LRP1B: variants seen among roughly 807,000 people sequenced by gnomAD.
The protein encoded by LRP1B is LDL receptor related protein 1B.
LRP1B carries 217 observed loss-of-function variants against 556.6 expected under a neutral mutation model. That is an observed-to-expected ratio of 0.39 (90% CI 0.35 to 0.44). LRP1B has a LOEUF of 0.44. LRP1B is among the 20% of genes least tolerant of loss of function. LRP1B has a pLI of 1.00. For synonymous variants in LRP1B, 2,047 were observed against 1,865.8 expected, an observed-to-expected ratio of 1.10 and a Z score of -2.50; for missense variants, 5,053 against 5,620.8, an observed-to-expected ratio of 0.90 and a Z score of 3.23.
chr2:140,342,296 C>T (rs192088495), intron 77 of LRP1B, among the ~76,000 whole-genome samples: 1 of 150,678 alleles, frequency 6.6e-6, no homozygotes, highest in African/African-American at 2.4e-5. Flanking sequence ...CCATGTATTT[C>T]TTACTATGGT....
rs1290993725 is a variant in LRP1B, at chr2:141,648,092, G to GA, written c.205+162186_205+162187insT. Among the ~76,000 whole-genome samples the GA allele has an allele frequency of 3.5e-3, 533 of 151,192 alleles. 3 individuals are homozygous for GA. The highest frequency in any genetic ancestry group is 0.012 in the African/African-American group (482 of 41,276). On this transcript the variant is annotated intron_variant, in intron 2 of 90. Coordinates refer to ENST00000389484, the MANE Select transcript of LRP1B (RefSeq NM_018557.3). The stretch of plus-strand genomic sequence containing the variant: ...ATGGTGAGACGAATCATGTGATTCA[G>GA]GAAAAAAAAAATTGTGGAGCAGGAG...
chr2:140,488,877 TTTTA>T (rs1558917611), intron 57 of LRP1B, among the ~76,000 whole-genome samples: 1 of 151,908 alleles, frequency 6.6e-6, no homozygotes, highest in Non-Finnish European at 1.5e-5. Flanking sequence ...GGCAGGGGTT[TTTTA>T]TTTGTTTTAG....
chr2:140,625,588 T>C (rs1683627525), intron 41 of LRP1B, among the ~76,000 whole-genome samples: 1 of 152,100 alleles, frequency 6.6e-6, no homozygotes, highest in Non-Finnish European at 1.5e-5. Context: ...AACAGACACC[T>C]CATCAAACAA....
At chr2:140,924,182 C>T (rs999199752) in intron 20 of LRP1B, among the ~76,000 whole-genome samples, 1 of 151,888 alleles carries the variant, frequency 6.6e-6, no homozygotes, top group Non-Finnish European at 1.5e-5. Flanking sequence ...ATTTATTACA[C>T]TGGTTTGGTA....
intron 2 of LRP1B, among the ~76,000 whole-genome samples, chr2:141,557,223 A>G (rs370371381): frequency 2.6e-5 from 4 of 152,048 alleles, no homozygotes; most frequent in Admixed American, 1.3e-4. Flanking sequence ...AAACTCTACC[A>G]CAAAGACACA....
At chr2:141,192,231 G>C (rs1681547201) in intron 6 of LRP1B, among the ~76,000 whole-genome samples, 1 of 151,880 alleles carries the variant, frequency 6.6e-6, no homozygotes, top group African/African-American at 2.4e-5. Context: ...AAATGCATTA[G>C]ATGGATGAAC....
chr2:140,274,658 C>A (rs1682597246), intron 84 of LRP1B, 60 bp from the exon 85 acceptor site: 2 of 1,419,040 alleles, frequency 1.4e-6, no homozygotes, highest in South Asian at 2.5e-5. Flanking sequence ...TTTCTTCAGT[C>A]ATAATTAAGG....
At chr2:141,894,419 AT>A (rs1450612888) in intron 1 of LRP1B, among the ~76,000 whole-genome samples, 4 of 151,028 alleles carry the variant, frequency 2.6e-5, no homozygotes, top group Admixed American at 6.6e-5. Flanking sequence ...CTACCAGGTG[AT>A]CCCACACTAA....
At chr2:140,282,452 G>T (rs1682956446) in intron 84 of LRP1B, among the ~76,000 whole-genome samples, 1 of 151,708 alleles carries the variant, frequency 6.6e-6, no homozygotes, top group African/African-American at 2.4e-5. Context: ...AACTCTAGAG[G>T]ATAAACTCTT....
intron 86 of LRP1B, among the ~76,000 whole-genome samples, chr2:140,248,485 AAC>A (rs1403991488): frequency 6.6e-6 from 1 of 151,662 alleles, no homozygotes; most frequent in Non-Finnish European, 1.5e-5. Context: ...ATAAAAAGCT[AAC>A]ACATTATATA....
rs145997347 is a variant in LRP1B, at chr2:141,320,020, T to A, written c.344-65379A>T. On this transcript the variant is annotated intron_variant, in intron 3 of 90. Coordinates refer to ENST00000389484, the MANE Select transcript of LRP1B (RefSeq NM_018557.3). ...TGGGAAAAGATTGATTCTGATTCAG[T>A]AGATTTGGCATGGAGCCTGAAATAC... Among the ~76,000 whole-genome samples the A allele has an allele frequency of 3.0e-3, 463 of 152,232 alleles. 1 individual carries two copies. The highest frequency in any genetic ancestry group is 0.011 in the African/African-American group (443 of 41,546).
chr2:141,865,109 C>A (rs1040138880), intron 1 of LRP1B, among the ~76,000 whole-genome samples: 1 of 152,090 alleles, frequency 6.6e-6, no homozygotes, highest in African/African-American at 2.4e-5. Context: ...GCTGAAGAAA[C>A]CCTAGCAAAA....
At chr2:141,534,022 C>T (rs902052344) in intron 2 of LRP1B, among the ~76,000 whole-genome samples, 1 of 148,976 alleles carries the variant, frequency 6.7e-6, no homozygotes, top group Non-Finnish European at 1.5e-5. Flanking sequence ...CTCTCATACA[C>T]ACACGAGAGA....
chr2:141,694,638 G>A (rs984772422), intron 2 of LRP1B, among the ~76,000 whole-genome samples: 10 of 150,000 alleles, frequency 6.7e-5, no homozygotes, highest in Non-Finnish European at 1.2e-4. Context: ...ATGATCATTC[G>A]ATTGTTTCAA....
intron 2 of LRP1B, among the ~76,000 whole-genome samples, chr2:141,799,808 C>CTGTGTGTGTG (rs145191262): frequency 0.061 from 9,023 of 147,660 alleles, 303 homozygotes; most frequent in African/African-American, 0.079. Context: ...AAGAGTGTGT[C>CTGTGTGTGTG]TGTGTGTGTG....
At chr2:141,756,783 G>A (rs1694337193) in intron 2 of LRP1B, among the ~76,000 whole-genome samples, 2 of 151,984 alleles carry the variant, frequency 1.3e-5, no homozygotes, top group South Asian at 4.1e-4. Flanking sequence ...GGAGCAATAG[G>A]CTATACCATA....
intron 27 of LRP1B, 140 bp from the exon 28 acceptor site, chr2:140,851,923 C>T (rs1692471256): frequency 3.5e-6 from 2 of 563,606 alleles, no homozygotes; most frequent in South Asian, 6.9e-5. Context: ...ATTAATATGA[C>T]AATAATAGAC....
chr2:140,452,962 T>TGTG (rs575888728), intron 62 of LRP1B, among the ~76,000 whole-genome samples: 13 of 40,800 alleles, frequency 3.2e-4, no homozygotes, highest in South Asian at 1.4e-3. Context: ...TGTGTGTGTG[T>TGTG]TTTTTTTTTT....
intron 3 of LRP1B, among the ~76,000 whole-genome samples, chr2:141,432,171 T>TA (rs1435154135): frequency 1.3e-5 from 2 of 152,106 alleles, no homozygotes; most frequent in Non-Finnish European, 2.9e-5. Flanking sequence ...AAGGAAAGGG[T>TA]ATTGAAATTT....
Sources: allele counts gnomAD v4.1 joint callset (sites outside exome capture counted in the v4.1 genomes callset), GRCh38; gene constraint gnomAD v4.1.1; transcripts MANE v1.5; gene names NCBI Gene and HGNC (gene_info 2026-07-23, HGNC 2026-07-21).